The following COL23A1 variants were observed in gnomAD, a reference collection of about 807,000 sequenced individuals.
The protein encoded by COL23A1 is collagen alpha-1(XXIII) chain.
A neutral mutation model predicts 99.3 loss-of-function variants in COL23A1; 97 were observed. The observed-to-expected ratio is 0.98, with a 90% CI of 0.83 to 1.16. The LOEUF is 1.16. Ranked by LOEUF, COL23A1 falls within the 50% of genes most tolerant of loss-of-function variation. The probability of loss-of-function intolerance (pLI) is 0.00; values close to 1 mark genes in which losing one functional copy is unlikely to be tolerated. For synonymous variants in COL23A1, 320 were observed against 308.2 expected (o/e 1.04, Z -0.40); for missense variants, 762 against 757.4 (o/e 1.01, Z -0.07).
chr5:178,532,369 C>G (rs1228876265), intron 2 of COL23A1, among the ~76,000 whole-genome samples: 1 of 152,148 alleles, frequency 6.6e-6, no homozygotes, highest in Non-Finnish European at 1.5e-5. Flanking sequence ...AGAAAGGGAG[C>G]AGCAGAACTG....
intron 2 of COL23A1, among the ~76,000 whole-genome samples, chr5:178,490,450 C>T (rs780983711): frequency 2.0e-5 from 3 of 151,758 alleles, no homozygotes; most frequent in East Asian, 1.9e-4. Context: ...AGGGAGGACG[C>T]GTGGGAAGTT....
intron 2 of COL23A1, among the ~76,000 whole-genome samples, chr5:178,543,882 C>T (rs150152693): frequency 3.9e-5 from 6 of 152,220 alleles, no homozygotes; most frequent in African/African-American, 1.4e-4. Flanking sequence ...GGCTGTAAGG[C>T]GCCTGCAGAT....
At chr5:178,587,535 G>A (rs1764063873) in intron 1 of COL23A1, among the ~76,000 whole-genome samples, 1 of 152,086 alleles carries the variant, frequency 6.6e-6, no homozygotes, top group Non-Finnish European at 1.5e-5. Flanking sequence ...TCTGCCTCTG[G>A]TTCTCTGGAA....
At chr5:178,299,566 G>T (rs1219293046) in intron 3 of COL23A1, among the ~76,000 whole-genome samples, 1 of 152,000 alleles carries the variant, frequency 6.6e-6, no homozygotes, top group African/African-American at 2.4e-5. Flanking sequence ...TTAAAGGTTT[G>T]TCAGTTTTGT....
At chr5:178,583,898 C>T (rs959431462) in intron 1 of COL23A1, among the ~76,000 whole-genome samples, 2 of 152,326 alleles carry the variant, frequency 1.3e-5, no homozygotes, top group East Asian at 3.9e-4. Context: ...CAGCCTCAGT[C>T]TGTCACCCAG....
intron 11 of COL23A1, 122 bp from the exon 12 acceptor site, chr5:178,259,869 G>A: frequency 1.2e-6 from 1 of 837,014 alleles, no homozygotes. Context: ...GGCCAGCCCA[G>A]AGACCCCTGA....
chr5:178,541,914 G>T (rs4976790), intron 2 of COL23A1, among the ~76,000 whole-genome samples: 27,825 of 152,212 alleles, frequency 0.18, 3,407 homozygotes, highest in Middle Eastern at 0.35. Flanking sequence ...TATGTGCCCT[G>T]GGGACACTAG....
intron 2 of COL23A1, among the ~76,000 whole-genome samples, chr5:178,311,889 C>T (rs967107598): frequency 1.1e-4 from 17 of 152,076 alleles, no homozygotes; most frequent in African/African-American, 4.1e-4. Context: ...CGCCACCATG[C>T]CTGGCTAATT....
chr5:178,384,028 C>A lies in COL23A1; in HGVS notation c.362-77109G>T, dbSNP rs1377483987. On this transcript the variant is annotated intron_variant, in intron 2 of 28. Coordinates refer to ENST00000390654, the MANE Select transcript of COL23A1 (RefSeq NM_173465.4). The surrounding 1 kb of genome is among the most constrained non-coding windows in gnomAD (Gnocchi z 5.5). ...CTGTGTGACACGGGGGCCCAGGACTCCACCAGGCGGCCTGTGCAAGCCTGG... is the reference window on the plus strand; with the variant it reads ...CTGTGTGACACGGGGGCCCAGGACTACACCAGGCGGCCTGTGCAAGCCTGG... 2.0e-5 allele frequency among the ~76,000 whole-genome samples: 3 copies of A among 152,342 alleles called. No homozygotes were observed. The East Asian group carries it at 5.8e-4, about 29-fold the overall frequency.
intron 17 of COL23A1, 76 bp from the exon 18 acceptor site, chr5:178,250,181 A>G: frequency 3.2e-6 from 5 of 1,561,062 alleles, no homozygotes; most frequent in Non-Finnish European, 4.4e-6. Context: ...GGGCCAGGAC[A>G]CACTGTGCAC....
At chr5:178,557,557 C>A (rs1762340812) in intron 2 of COL23A1, among the ~76,000 whole-genome samples, 1 of 152,194 alleles carries the variant, frequency 6.6e-6, no homozygotes, top group Admixed American at 6.5e-5. Flanking sequence ...TCCAGAAGAG[C>A]CGCCCCTCCT....
intron 2 of COL23A1, among the ~76,000 whole-genome samples, chr5:178,429,133 C>A (rs1440772642): frequency 6.6e-6 from 1 of 152,208 alleles, no homozygotes; most frequent in Non-Finnish European, 1.5e-5. Flanking sequence ...ATTTCAGCGC[C>A]TTTACAGCTC....
intron 2 of COL23A1, among the ~76,000 whole-genome samples, chr5:178,535,140 T>C (rs1470912933): frequency 6.6e-6 from 1 of 151,856 alleles, no homozygotes; most frequent in African/African-American, 2.4e-5. Context: ...ACCCGGCTAA[T>C]TTTTTGTATT....
chr5:178,345,170 C>T, intron 2 of COL23A1: 1 of 704,518 alleles, frequency 1.4e-6, no homozygotes, highest in Non-Finnish European at 2.5e-6. Flanking sequence ...TGGCCTGGGT[C>T]ACGTAGTCTC....
intron 16 of COL23A1, among the ~76,000 whole-genome samples, chr5:178,253,583 A>G (rs1765147908): frequency 7.1e-6 from 1 of 140,302 alleles, no homozygotes; most frequent in Non-Finnish European, 1.5e-5. Flanking sequence ...CCCGGGTTCA[A>G]GTGATTCTCC....
intron 2 of COL23A1, among the ~76,000 whole-genome samples, chr5:178,378,574 G>T (rs1341453506): frequency 1.3e-5 from 2 of 152,240 alleles, no homozygotes; most frequent in African/African-American, 4.8e-5. Flanking sequence ...CAACCCAAGA[G>T]GGAGAAGGTG....
intron 2 of COL23A1, among the ~76,000 whole-genome samples, chr5:178,358,764 T>C (rs1010969238): frequency 1.4e-5 from 2 of 145,602 alleles, no homozygotes; most frequent in African/African-American, 5.2e-5. Flanking sequence ...TGTGTGTGTG[T>C]ATGTGTGTGT....
At chr5:178,537,542 G>T (rs1484349793) in intron 2 of COL23A1, among the ~76,000 whole-genome samples, 4 of 152,202 alleles carry the variant, frequency 2.6e-5, no homozygotes, top group African/African-American at 9.6e-5. Context: ...GTGGCAGGGG[G>T]TGCTGGCATG....
At chr5:178,369,209 C>T (rs1221381004) in intron 2 of COL23A1, among the ~76,000 whole-genome samples, 1 of 152,156 alleles carries the variant, frequency 6.6e-6, no homozygotes, top group Non-Finnish European at 1.5e-5. Context: ...CTTGTCCTGT[C>T]CAGGGGAGAC....
Sources: gnomAD v4.1 joint callset for allele counts (sites outside exome capture counted in the v4.1 genomes callset) on GRCh38, gnomAD v4.1.1 for gene constraint, Gnocchi (gnomAD v3.1) non-coding constraint, MANE v1.5 for transcripts, NCBI Gene and HGNC (gene_info 2026-07-23, HGNC 2026-07-21) for gene names.